The following TCFL5 variants were observed in gnomAD, a reference collection of about 807,000 sequenced individuals.
TCFL5 encodes transcription factor-like 5 protein.
A neutral mutation model predicts 44.3 loss-of-function variants in TCFL5; 9 were observed. The ratio of observed to expected loss-of-function variants is 0.20; its 90% confidence interval spans 0.12 to 0.35. The LOEUF (loss-of-function observed/expected upper bound fraction) is 0.35. Ranked by LOEUF, TCFL5 falls within the 10% of genes least tolerant of loss-of-function variation. The pLI is 1.00. For missense variants in TCFL5, 603 were observed against 613.4 expected (o/e 0.98, Z 0.18); for synonymous variants, 319 against 271.6 (o/e 1.17, Z -1.72).
At chr20:62,860,439 A>G (rs2063977198) in intron 1 of TCFL5, 131 bp from the exon 2 acceptor site, 1 of 759,612 alleles carries the variant, frequency 1.3e-6, no homozygotes, top group African/African-American at 1.8e-5. Context: ...TCTCTACACA[A>G]CAATTAGCAA....
At position 62,845,085 on chromosome 20, in the gene TCFL5, A is replaced by G; in HGVS notation, c.1381-2988T>C. 9 of 987,476 alleles carry G rather than the reference A, an allele frequency of 9.1e-6. No homozygotes were observed. The South Asian group carries it at 4.2e-4, about 46-fold the overall frequency. The allele number at this position is 987,476 out of a possible 1,614,324, so 61.2% of individuals were successfully genotyped here. A position where few individuals can be genotyped will look rare whatever the true frequency, so the allele number is the denominator to read the frequency against. On this transcript the variant is annotated intron_variant, in intron 5 of 5. Transcript: ENST00000335351. Reference sequence around the variant, plus strand: ...TTTCCAACTACTGTGTGCACTCAGAATCTACACCTGCATATAAATATACTC... The same window carrying G: ...TTTCCAACTACTGTGTGCACTCAGAGTCTACACCTGCATATAAATATACTC...
chr20:62,859,269 A>T, intron 3 of TCFL5, 95 bp downstream of exon 3: 1 of 1,270,718 alleles, frequency 7.9e-7, no homozygotes, highest in Non-Finnish European at 1.1e-6. Flanking sequence ...ATGTGTACAA[A>T]CCATCTGTCT....
At chr20:62,856,997 T>C (rs886551010) in intron 4 of TCFL5, among the ~76,000 whole-genome samples, 1 of 152,160 alleles carries the variant, frequency 6.6e-6, no homozygotes, top group Non-Finnish European at 1.5e-5. Context: ...TCTAGCGAGC[T>C]TTCCTGGTTG....
rs1322442724 is a variant in TCFL5 at position 62,842,440 on chromosome 20, C to T, written c.1381-343G>A. On this transcript the variant is annotated intron_variant, in intron 5 of 5. Transcript: ENST00000335351. The surrounding 1 kb of genome is among the most constrained non-coding windows in gnomAD (Gnocchi z 4.3). Reference sequence around the variant, plus strand: ...CTAGCTAATAAACCTGTAAACCCAGCGTGTGAGAGAAGGTAGAGTGTATAT... The same window carrying T: ...CTAGCTAATAAACCTGTAAACCCAGTGTGTGAGAGAAGGTAGAGTGTATAT... Among the ~76,000 whole-genome samples, 1 of 152,104 alleles carries T rather than the reference C, an allele frequency of 6.6e-6. No homozygotes were observed. The highest frequency in any genetic ancestry group is 2.4e-5 in the African/African-American group (1 of 41,418).
chr20:62,852,773 T>C (rs558238287), intron 5 of TCFL5: 1 of 1,287,222 alleles, frequency 7.8e-7, no homozygotes, highest in African/African-American at 1.5e-5. Flanking sequence ...ATTCACCCAT[T>C]CCACAGAAGC....
At chr20:62,855,702 G>C (rs1315580980) in intron 4 of TCFL5, among the ~76,000 whole-genome samples, 1 of 152,018 alleles carries the variant, frequency 6.6e-6, no homozygotes, top group Non-Finnish European at 1.5e-5. Context: ...GGAGGCGAAG[G>C]TTGCGTTGAA....
At chr20:62,845,497 C>T in intron 5 of TCFL5, 1 of 1,408,442 alleles carries the variant, frequency 7.1e-7, no homozygotes, top group East Asian at 2.7e-5. Flanking sequence ...TATATTCTGA[C>T]ACCTAAAGCC....
intron 5 of TCFL5, chr20:62,851,432 AGTAAATCAGAT>A: frequency 1.3e-6 from 1 of 752,060 alleles, no homozygotes; most frequent in East Asian, 1.3e-4. Flanking sequence ...CTTCGTCTTG[AGTAAATCAGAT>A]CAATAATGAT....
At chr20:62,858,745 AAGGGGCTACGCAGGTGTTTCCCAGGGAGG>A (rs2063936085) in intron 3 of TCFL5, among the ~76,000 whole-genome samples, 1 of 54,088 alleles carries the variant, frequency 1.8e-5, no homozygotes, top group African/African-American at 1.1e-4. Context: ...CCCAGGGAGG[AAGGGGCTACGCAGGTGTTTCCCAGGGAGG>A]AAGGGGCTAC....
In TCFL5 at chr20:62,861,299, G is replaced by A; in HGVS notation, c.372C>T (p.Ile124=). 8.3e-7 allele frequency: 1 copy of A among 1,202,582 alleles called. No individual in the cohort carries two copies. Among genetic ancestry groups the A allele is most frequent in the South Asian group, 1.8e-5 (1 of 55,950 alleles). 74.5% of individuals were successfully genotyped at this position (1,202,582 alleles called of 1,614,324 possible). ...LAADAPCLGH[I]DFQELRMMLL... ...GCATCATGCGCAGCTCCTGGAAGTC[G>A]ATGTGGCCCAGGCAGGGCGCGTCGG... The change falls in exon 1 of 6, where the codon ATC becomes ATT. Residue 124 remains isoleucine (I), a synonymous_variant. Coordinates refer to ENST00000335351, the MANE Select transcript of TCFL5 (RefSeq NM_006602.4). This position sits in a 1 kb window ranked among gnomAD's most constrained non-coding sequence, Gnocchi z 4.0.
intron 5 of TCFL5, chr20:62,852,865 T>C: frequency 7.8e-7 from 1 of 1,288,602 alleles, no homozygotes; most frequent in Non-Finnish European, 1.0e-6. Flanking sequence ...GTTCACCCAG[T>C]CCATGGAAGT....
In TCFL5 at chr20:62,842,487, C is replaced by A. The variant is rs749669595; in HGVS notation, c.1381-390G>T. 6.6e-6 allele frequency among the ~76,000 whole-genome samples: 1 copy of A among 152,176 alleles called. No individual in the cohort carries two copies. The highest frequency in any genetic ancestry group is 1.5e-5 in the Non-Finnish European group (1 of 68,036). The stretch of plus-strand genomic sequence containing the variant: ...ATATATTAAAACGTTTCAGGCCGGG[C>A]GTGGCGGCTCACGCCTATAATCCCA... On this transcript the variant is annotated intron_variant, in intron 5 of 5. Coordinates refer to ENST00000335351, the MANE Select transcript of TCFL5 (RefSeq NM_006602.4). This position sits in a 1 kb window ranked among gnomAD's most constrained non-coding sequence, Gnocchi z 4.3.
At chr20:62,846,985 G>C (rs994239141) in intron 5 of TCFL5, among the ~76,000 whole-genome samples, 1 of 151,896 alleles carries the variant, frequency 6.6e-6, no homozygotes, top group Non-Finnish European at 1.5e-5. Flanking sequence ...GGGAGTTCAC[G>C]ACCAGCCTCA....
At position 62,857,482 on chromosome 20, in the gene TCFL5, G is replaced by C; in HGVS notation, c.1151C>G (p.Ala384Gly). 1.9e-6 allele frequency: 3 copies of C among 1,614,214 alleles called. No individual in the cohort carries two copies. The highest frequency in any genetic ancestry group is 1.7e-6 in the Non-Finnish European group (2 of 1,180,042). The change falls in exon 4 of 6, where the codon GCA becomes GGA. Residue 384 changes from alanine (A) to glycine (G), a missense_variant. Ala to Gly is a moderately conservative substitution (Grantham distance 60, BLOSUM62 0). Around this residue, in one of 4 missense-constraint regions of TCFL5, gnomAD observed 540 missense variants for 478.7 expected, o/e 1.13. Coordinates refer to ENST00000335351, the MANE Select transcript of TCFL5 (RefSeq NM_006602.4). Reference sequence around the variant, plus strand: ...ACTCTGGGCCTGCTCCCCCAGGTTTGCCTGTGAGGACTCCGAGGACTGCCA... The same window carrying C: ...ACTCTGGGCCTGCTCCCCCAGGTTTCCCTGTGAGGACTCCGAGGACTGCCA... ...GAWQSSESSQ[A>G]NLGEQAQSGP...
intron 5 of TCFL5, chr20:62,845,860 G>A (rs1239756844): frequency 4.4e-6 from 7 of 1,581,218 alleles, no homozygotes; most frequent in Non-Finnish European, 6.0e-6. Flanking sequence ...CAGTTTGCGT[G>A]TGGAGAAACA....
chr20:62,856,252 C>CAAAA (rs11473595), intron 4 of TCFL5, among the ~76,000 whole-genome samples: 2 of 63,836 alleles, frequency 3.1e-5, no homozygotes, highest in Non-Finnish European at 6.0e-5. Context: ...GACTCCGTCT[C>CAAAA]AAAAAAAAAA....
In TCFL5 at chr20:62,851,825, T is replaced by C. The variant is rs970595108; in HGVS notation, c.1380+2191A>G. 5 of 985,254 alleles carry C rather than the reference T, an allele frequency of 5.1e-6. No individual in the cohort carries two copies. The African/African-American group carries it at 8.7e-5, about 17-fold the overall frequency. 61.0% of individuals were successfully genotyped at this position (985,254 alleles called of 1,614,324 possible). A position where few individuals can be genotyped will look rare whatever the true frequency, so the allele number is the denominator to read the frequency against. On this transcript the variant is annotated intron_variant, in intron 5 of 5. Coordinates refer to ENST00000335351, the MANE Select transcript of TCFL5 (RefSeq NM_006602.4). ...ATGACGTAGACACAGGAGCCCTTCT[T>C]TTGAGATGGAGTCTCGCTCTGTCAC...
intron 5 of TCFL5, among the ~76,000 whole-genome samples, chr20:62,848,890 T>C (rs1265837391): frequency 6.6e-6 from 1 of 151,484 alleles, no homozygotes; most frequent in Non-Finnish European, 1.5e-5. Flanking sequence ...AAAAATTAGC[T>C]GGGTGTGGTG....
chr20:62,854,252 C>G, intron 4 of TCFL5, 95 bp from the exon 5 acceptor site: 2 of 1,474,886 alleles, frequency 1.4e-6, no homozygotes, highest in Non-Finnish European at 1.8e-6. Flanking sequence ...GGAACCAGAG[C>G]TCGTGCATCC....
Sources: allele counts gnomAD v4.1 joint callset (sites outside exome capture counted in the v4.1 genomes callset), GRCh38; gene constraint gnomAD v4.1.1; regional missense constraint gnomAD v4.1.1; non-coding constraint Gnocchi (gnomAD v3.1); transcripts MANE v1.5; gene names NCBI Gene and HGNC (gene_info 2026-07-23, HGNC 2026-07-21).